Variants in PCK1 observed in about 807,000 individuals in gnomAD.
The protein encoded by PCK1 is phosphoenolpyruvate carboxykinase, cytosolic [GTP].
PCK1 carries 44 observed loss-of-function variants against 50.3 expected under a neutral mutation model. The ratio of observed to expected loss-of-function variants is 0.87; its 90% confidence interval spans 0.69 to 1.12. The LOEUF (loss-of-function observed/expected upper bound fraction) is 1.12. Ranked by LOEUF, PCK1 falls within the 50% of genes most tolerant of loss-of-function variation. The pLI is 0.00. For missense variants in PCK1, 790 were observed against 815.0 expected (o/e 0.97, Z 0.37); for synonymous variants, 332 against 314.3 (o/e 1.06, Z -0.59).
At chr20:57,562,675 C>A in intron 3 of PCK1, 21 bp from the exon 4 acceptor site, 1 of 1,602,082 alleles carries the variant, frequency 6.2e-7, no homozygotes, top group South Asian at 1.1e-5. Flanking sequence ...CTCACCAGTG[C>A]CCACCCATCG....
chr20:57,561,131 C>A lies in PCK1; in HGVS notation c.-113C>A. The A allele has an allele frequency of 3.4e-6, 1 of 298,376 alleles. No homozygotes were observed. Among genetic ancestry groups the A allele is most frequent in the African/African-American group, 2.2e-5 (1 of 46,178 alleles). 18.5% of individuals were successfully genotyped at this position (298,376 alleles called of 1,614,324 possible). ...AAGCACGGCCTTCCCACTGGGAACACAAACTTGCTGGCGGGAAGAGCCCGG... is the reference window on the plus strand; with the variant it reads ...AAGCACGGCCTTCCCACTGGGAACAAAAACTTGCTGGCGGGAAGAGCCCGG... On this transcript the variant is annotated 5_prime_UTR_variant, in exon 1 of 10. Coordinates refer to ENST00000319441, the MANE Select transcript of PCK1 (RefSeq NM_002591.4).
intron 3 of PCK1, 47 bp downstream of exon 3, chr20:57,562,299 T>G (rs757381471): frequency 1.6e-5 from 24 of 1,493,614 alleles, no homozygotes; most frequent in Non-Finnish European, 2.2e-5. Flanking sequence ...GAGAGCCTTT[T>G]CTTATTTACA....
intron 9 of PCK1, 74 bp downstream of exon 9, chr20:57,565,209 C>A: frequency 1.5e-6 from 2 of 1,335,166 alleles, no homozygotes; most frequent in Non-Finnish European, 2.2e-6. Flanking sequence ...ATGTCTCTCT[C>A]CTTTTCTGTG....
Position 57,565,366 on chromosome 20 carries a change from T to C in PCK1, c.1431T>C (p.His477=), listed in dbSNP as rs752327988. ...AAEHKGKIIM[H]DPFAMRPFFG... ...GTTTAACAGGCAAAATCATCATGCA[T>C]GACCCCTTTGCCATGCGGCCCTTCT... is the stretch of plus-strand genomic sequence containing the variant. The change falls in exon 10 of 10, where the codon CAT becomes CAC. Residue 477 remains histidine, a synonymous_variant. Coordinates refer to ENST00000319441, the MANE Select transcript of PCK1 (RefSeq NM_002591.4). The C allele has an allele frequency of 1.2e-6, 2 of 1,614,068 alleles. No homozygotes were observed. The highest frequency in any genetic ancestry group is 1.7e-5 in the Admixed American group (1 of 60,032).
In PCK1 at chr20:57,565,869, A is replaced by G; in HGVS notation, c.*65A>G. On this transcript the variant is annotated 3_prime_UTR_variant, in exon 10 of 10. Transcript: ENST00000319441. ...CCCATCCATAAGGTGCAGTAGGAGC[A>G]AGAGAGGGCAAGTGTTCCCAAATTG... 1 of 1,215,410 alleles carries G rather than the reference A, an allele frequency of 8.2e-7. No individual in the cohort carries two copies. The highest frequency in any genetic ancestry group is 1.5e-5 in the South Asian group (1 of 65,866). 75.3% of individuals were successfully genotyped at this position (1,215,410 alleles called of 1,614,324 possible).
In PCK1 at chr20:57,563,150, T is replaced by G. The variant is rs763473369; in HGVS notation, c.733T>G (p.Cys245Gly). 1.4e-5 allele frequency: 22 copies of G among 1,613,620 alleles called. No individual in the cohort carries two copies. The highest frequency in any genetic ancestry group is 1.8e-5 in the Non-Finnish European group (21 of 1,180,010). The change falls in exon 5 of 10, where the codon TGC becomes GGC. Residue 245 changes from cysteine to glycine, a missense_variant. Cys to Gly is a radical substitution (Grantham distance 159, BLOSUM62 -3). Coordinates refer to ENST00000319441, the MANE Select transcript of PCK1 (RefSeq NM_002591.4). ...CGGGAACTCGCTGCTCGGGAAGAAG[T>G]GCTTTGCTCTCAGGATGGCCAGCCG... ...YGGNSLLGKK[C>G]FALRMASRLA...
intron 9 of PCK1, 80 bp downstream of exon 9, chr20:57,565,215 C>G: frequency 7.6e-7 from 1 of 1,308,968 alleles, no homozygotes; most frequent in African/African-American, 1.5e-5. Flanking sequence ...CTCTCCTTTT[C>G]TGTGTCTGTG....
At chr20:57,561,887 C>T (rs1568907817) in intron 2 of PCK1, 184 bp from the exon 3 acceptor site, 3 of 621,954 alleles carry the variant, frequency 4.8e-6, no homozygotes, top group Non-Finnish European at 8.4e-6. Context: ...AGCCCCTCTC[C>T]TACAGACCAG....
intron 7 of PCK1, 44 bp from the exon 8 acceptor site, chr20:57,564,438 G>T (rs369408899): frequency 8.5e-5 from 137 of 1,614,030 alleles, no homozygotes; most frequent in Non-Finnish European, 1.1e-4. Context: ...TGCAGGGACT[G>T]CCTGTTTGAG....
At chr20:57,564,635 G>T in intron 8 of PCK1, 22 bp downstream of exon 8, 4 of 1,565,266 alleles carry the variant, frequency 2.6e-6, no homozygotes, top group Non-Finnish European at 3.5e-6. Context: ...CTTCATTTAG[G>T]CTGGGAACAT....
chr20:57,565,896 C>A lies in PCK1; in HGVS notation c.*92C>A. 1.1e-6 allele frequency: 1 copy of A among 900,538 alleles called. No individual in the cohort carries two copies. The highest frequency in any genetic ancestry group is 1.7e-5 in the African/African-American group (1 of 59,626). 55.8% of individuals were successfully genotyped at this position (900,538 alleles called of 1,614,324 possible). ...GAGAGGGCAAGTGTTCCCAAATTGA[C>A]GCCACCATAATAATCATCACCACAC... is the stretch of plus-strand genomic sequence containing the variant. On this transcript the variant is annotated 3_prime_UTR_variant, in exon 10 of 10. Coordinates refer to ENST00000319441, the MANE Select transcript of PCK1 (RefSeq NM_002591.4).
At chr20:57,563,941 A>C (rs2070177721) in intron 6 of PCK1, 2 of 613,256 alleles carry the variant, frequency 3.3e-6, no homozygotes, top group Admixed American at 6.1e-5. Flanking sequence ...GTTTGTTTAC[A>C]TACATACATT....
intron 2 of PCK1, 96 bp downstream of exon 2, chr20:57,561,731 G>C: frequency 1.2e-6 from 1 of 828,206 alleles, no homozygotes; most frequent in East Asian, 2.4e-5. Flanking sequence ...GAAGGCCTTC[G>C]GGTAGTTTCA....
intron 3 of PCK1, 156 bp from the exon 4 acceptor site, chr20:57,562,540 T>G (rs995137172): frequency 3.0e-6 from 2 of 658,618 alleles, no homozygotes; most frequent in Admixed American, 5.6e-5. Flanking sequence ...CTGTTCACTT[T>G]CCAGTGGCCT....
intron 6 of PCK1, 123 bp from the exon 7 acceptor site, chr20:57,564,045 CA>C: frequency 1.5e-6 from 1 of 673,672 alleles, no homozygotes; most frequent in South Asian, 1.9e-5. Flanking sequence ...GAGATAAATG[CA>C]TATTCTAGGG....
At position 57,561,620 on chromosome 20, in the gene PCK1, A is replaced by T; in HGVS notation, c.209A>T (p.Lys70Met). 6.2e-7 allele frequency: 1 copy of T among 1,611,696 alleles called. No homozygotes were observed. The highest frequency in any genetic ancestry group is 8.5e-7 in the Non-Finnish European group (1 of 1,178,970). ...GAAGAGGGCATCCTCAGGCGGCTGA[A>T]GAAGTATGACAACTGGTAAGCTCGG... ...MEEEGILRRL[K>M]KYDNCWLALT... Residue 70 changes from lysine (K) to methionine (M), a missense_variant, in exon 2 of 10, where the codon AAG becomes ATG. Coordinates refer to ENST00000319441, the MANE Select transcript of PCK1 (RefSeq NM_002591.4).
In PCK1 at chr20:57,567,872, C is replaced by T. The variant is rs900904297; in HGVS notation, c.*2068C>T. The T allele has an allele frequency of 2.0e-5, 3 of 152,430 alleles. No individual in the cohort carries two copies. The highest frequency in any genetic ancestry group is 2.0e-4 in the Admixed American group (3 of 15,292). 9.4% of individuals were successfully genotyped at this position (152,430 alleles called of 1,614,324 possible). A position where few individuals can be genotyped will look rare whatever the true frequency, so the allele number is the denominator to read the frequency against. On this transcript the variant is annotated 3_prime_UTR_variant, in exon 10 of 10. Coordinates refer to ENST00000319441, the MANE Select transcript of PCK1 (RefSeq NM_002591.4). Reference sequence around the variant, plus strand: ...TCCCCTCCTGCACAGCATCAGCCACCTGGCAAGCAGTCTCACATAGGACCA... The same window carrying T: ...TCCCCTCCTGCACAGCATCAGCCACTTGGCAAGCAGTCTCACATAGGACCA...
At position 57,565,774 on chromosome 20, in the gene PCK1, T is replaced by C; in HGVS notation, c.1839T>C (p.Leu613=). ...DLPCEIEREI[L]ALKQRISQM is the part of the protein sequence containing the mutation. ...CCTGTGAAATCGAGAGAGAGATCCT[T>C]GCCTTGAAGCAAAGAATAAGCCAGA... The change falls in exon 10 of 10, where the codon CTT becomes CTC. Residue 613 remains leucine, a synonymous_variant. Transcript: ENST00000319441. 1.2e-6 allele frequency: 2 copies of C among 1,612,264 alleles called. No individual in the cohort carries two copies. The highest frequency in any genetic ancestry group is 1.7e-6 in the Non-Finnish European group (2 of 1,179,298).
At position 57,568,112 on chromosome 20, in the gene PCK1, C is replaced by T. The variant is rs1186842434; in HGVS notation, c.*2308C>T. ...TACAATAAACAGGATCCTATGACTT[C>T]TTTCTTCAATGTTCTCTTGTCGTGC... On this transcript the variant is annotated 3_prime_UTR_variant, in exon 10 of 10. Coordinates refer to ENST00000319441, the MANE Select transcript of PCK1 (RefSeq NM_002591.4). 2.6e-5 allele frequency: 4 copies of T among 152,226 alleles called. No homozygotes were observed. The highest frequency in any genetic ancestry group is 7.2e-5 in the African/African-American group (3 of 41,462). 9.4% of individuals were successfully genotyped at this position (152,226 alleles called of 1,614,324 possible).
Sources: allele counts gnomAD v4.1 joint callset, GRCh38; gene constraint gnomAD v4.1.1; transcripts MANE v1.5; gene names NCBI Gene and HGNC (gene_info 2026-07-23, HGNC 2026-07-21).